The following ST6GALNAC3 variants were observed in gnomAD, a reference collection of about 807,000 sequenced individuals.
The protein encoded by ST6GALNAC3 is ST6 N-acetylgalactosaminide alpha-2,6-sialyltransferase 3.
ST6GALNAC3 carries 25 observed loss-of-function variants against 32.7 expected under a neutral mutation model. The ratio of observed to expected loss-of-function variants is 0.76; its 90% CI spans 0.56 to 1.07. ST6GALNAC3 has a LOEUF of 1.07. ST6GALNAC3 is among the 50% of genes least tolerant of loss of function. The pLI is 0.00. For missense variants in ST6GALNAC3, 355 were observed against 382.4 expected (o/e 0.93, Z 0.60); for synonymous variants, 129 against 133.1 (o/e 0.97, Z 0.21).
intron 1 of ST6GALNAC3, among the ~76,000 whole-genome samples, chr1:76,221,134 G>A (rs1348607590): frequency 3.3e-5 from 5 of 152,200 alleles, no homozygotes; most frequent in Non-Finnish European, 7.3e-5. Flanking sequence ...GAAGATAGAA[G>A]TGATGGGTGG....
chr1:76,589,439 C>T (rs912744959), intron 3 of ST6GALNAC3, among the ~76,000 whole-genome samples: 1 of 151,974 alleles, frequency 6.6e-6, no homozygotes, highest in African/African-American at 2.4e-5. Flanking sequence ...ACCTGGCCCA[C>T]AGGACAAACG....
chr1:76,476,718 A>G (rs917519303), intron 3 of ST6GALNAC3, among the ~76,000 whole-genome samples: 10 of 152,134 alleles, frequency 6.6e-5, no homozygotes, highest in Admixed American at 2.0e-4. Context: ...ACAGGGCTTT[A>G]TGGCATCAGG....
intron 3 of ST6GALNAC3, among the ~76,000 whole-genome samples, chr1:76,544,471 A>C (rs1372025392): frequency 6.6e-6 from 1 of 152,178 alleles, no homozygotes; most frequent in Non-Finnish European, 1.5e-5. Context: ...AGTTGGATTT[A>C]AAACATATCT....
At chr1:76,338,955 A>G (rs1647732123) in intron 2 of ST6GALNAC3, among the ~76,000 whole-genome samples, 1 of 152,192 alleles carries the variant, frequency 6.6e-6, no homozygotes. Context: ...TAGCTCTCCA[A>G]CCACTGTCAC....
intron 3 of ST6GALNAC3, among the ~76,000 whole-genome samples, chr1:76,492,580 A>G (rs1279490125): frequency 2.0e-5 from 3 of 152,122 alleles, no homozygotes; most frequent in Non-Finnish European, 2.9e-5. Context: ...TGGGACACCA[A>G]ACCACCCGCC....
chr1:76,566,065 A>G (rs559132006), intron 3 of ST6GALNAC3, among the ~76,000 whole-genome samples: 6 of 152,208 alleles, frequency 3.9e-5, no homozygotes, highest in Admixed American at 1.3e-4. Flanking sequence ...GTTTTTAAAG[A>G]AAAGAGGACA....
At chr1:76,362,288 G>A (rs1485181157) in intron 2 of ST6GALNAC3, among the ~76,000 whole-genome samples, 1 of 152,028 alleles carries the variant, frequency 6.6e-6, no homozygotes. Flanking sequence ...AACTATTCAG[G>A]AGAAACTGCT....
chr1:76,118,605 A>G (rs1427305399), intron 1 of ST6GALNAC3, among the ~76,000 whole-genome samples: 1 of 152,212 alleles, frequency 6.6e-6, no homozygotes, highest in Non-Finnish European at 1.5e-5. Flanking sequence ...CAGATGACCT[A>G]GGGCATTCTT....
chr1:76,573,747 CACAT>C (rs1416389985), intron 3 of ST6GALNAC3, among the ~76,000 whole-genome samples: 1 of 149,876 alleles, frequency 6.7e-6, no homozygotes, highest in Non-Finnish European at 1.5e-5. Context: ...AAAAAATAAA[CACAT>C]TTGTGAGTTT....
At chr1:76,587,277 G>A (rs1057144171) in intron 3 of ST6GALNAC3, among the ~76,000 whole-genome samples, 1 of 152,154 alleles carries the variant, frequency 6.6e-6, no homozygotes, top group South Asian at 2.1e-4. Context: ...GGAGTCCAGG[G>A]ATTGGCAGAA....
chr1:76,579,178 G>C (rs1646855510), intron 3 of ST6GALNAC3, among the ~76,000 whole-genome samples: 1 of 151,784 alleles, frequency 6.6e-6, no homozygotes, highest in African/African-American at 2.4e-5. Flanking sequence ...GCTTTTTATT[G>C]TGGAGAGGGG....
At chr1:76,551,191 C>A (rs1664607917) in intron 3 of ST6GALNAC3, among the ~76,000 whole-genome samples, 2 of 152,176 alleles carry the variant, frequency 1.3e-5, no homozygotes, top group African/African-American at 4.8e-5. Flanking sequence ...CTTTCTTCTT[C>A]TCCAAAATGG....
intron 1 of ST6GALNAC3, among the ~76,000 whole-genome samples, chr1:76,258,899 T>C (rs1255622299): frequency 2.0e-5 from 3 of 152,182 alleles, no homozygotes; most frequent in African/African-American, 4.8e-5. Context: ...TTGAATGTAC[T>C]TGTGACTGTC....
At chr1:76,585,257 G>A (rs911875119) in intron 3 of ST6GALNAC3, among the ~76,000 whole-genome samples, 4 of 151,946 alleles carry the variant, frequency 2.6e-5, no homozygotes, top group East Asian at 1.9e-4. Context: ...ATGGTGGCAC[G>A]CACCTGTCAT....
At chr1:76,392,468 A>G (rs1652640757) in intron 2 of ST6GALNAC3, among the ~76,000 whole-genome samples, 1 of 152,230 alleles carries the variant, frequency 6.6e-6, no homozygotes, top group Admixed American at 6.5e-5. Flanking sequence ...GTATTATGTC[A>G]GATGAAAAGT....
chr1:76,278,206 C>CCACTTGATCTTAGCCAAAAGGCCGAG (rs1553172672), intron 1 of ST6GALNAC3, among the ~76,000 whole-genome samples: 3 of 141,936 alleles, frequency 2.1e-5, no homozygotes, highest in African/African-American at 8.6e-5. Flanking sequence ...CATGTATTCT[C>CCACTTGATCTTAGCCAAAAGGCCGAG]ATTATTGCTA....
intron 2 of ST6GALNAC3, among the ~76,000 whole-genome samples, chr1:76,333,438 C>T (rs140163487): frequency 6.6e-6 from 1 of 152,258 alleles, no homozygotes; most frequent in Admixed American, 6.5e-5. Flanking sequence ...TATATGTTCT[C>T]ATATTGGTTT....
downstream of ST6GALNAC3, among the ~76,000 whole-genome samples, chr1:76,636,315 G>A (rs951730007): frequency 1.3e-5 from 2 of 152,038 alleles, no homozygotes; most frequent in African/African-American, 4.8e-5. Context: ...GGATAGATGT[G>A]CCCTCACCTC....
chr1:76,475,786 G>T (rs1659312279), intron 3 of ST6GALNAC3, among the ~76,000 whole-genome samples: 1 of 152,134 alleles, frequency 6.6e-6, no homozygotes. Context: ...GTGGCATGGT[G>T]GTTTGCTGCA....
Sources: gnomAD v4.1 joint callset for allele counts (sites outside exome capture counted in the v4.1 genomes callset) on GRCh38, gnomAD v4.1.1 for gene constraint, MANE v1.5 for transcripts, NCBI Gene and HGNC (gene_info 2026-07-23, HGNC 2026-07-21) for gene names.